The following LARP4 variants were observed in gnomAD, a reference collection of about 807,000 sequenced individuals.
LARP4 encodes the protein La ribonucleoprotein 4.
LARP4 carries 29 observed loss-of-function variants against 92.9 expected under a neutral mutation model. The observed-to-expected ratio is 0.31, with a 90% CI of 0.23 to 0.43. The LOEUF is 0.43. Ranked by LOEUF, LARP4 falls within the 20% of genes least tolerant of loss-of-function variation. The pLI is 1.00. For missense variants in LARP4, 732 were observed against 860.0 expected (o/e 0.85, Z 1.86); for synonymous variants, 279 against 284.1 (o/e 0.98, Z 0.18).
chr12:50,473,908 TCAAAAAAAAAAATTAC>T, intron 14 of LARP4, 75 bp from the exon 15 acceptor site: 1 of 1,102,320 alleles, frequency 9.1e-7, no homozygotes, highest in Non-Finnish European at 1.3e-6. Flanking sequence ...AGACTCCGTC[TCAAAAAAAAAAATTAC>T]GTTTTCTTCT....
chr12:50,449,112 T>C (rs1355688383), intron 8 of LARP4, among the ~76,000 whole-genome samples: 2 of 151,950 alleles, frequency 1.3e-5, no homozygotes, highest in African/African-American at 4.8e-5. Flanking sequence ...GCTTTGTGGC[T>C]TATGCCTGTA....
chr12:50,403,932 T>G (rs1438783869), intron 1 of LARP4, among the ~76,000 whole-genome samples: 1 of 5,886 alleles, frequency 1.7e-4, no homozygotes, highest in Non-Finnish European at 1.8e-3. Flanking sequence ...ATTTTAGTGA[T>G]AAGTAAGGCA....
chr12:50,413,124 G>C (rs969680216), intron 1 of LARP4, among the ~76,000 whole-genome samples: 1 of 151,968 alleles, frequency 6.6e-6, no homozygotes, highest in African/African-American at 2.4e-5. Flanking sequence ...TCAGGAGGCT[G>C]AGGCAGGAGA....
intron 8 of LARP4, among the ~76,000 whole-genome samples, chr12:50,450,125 T>G (rs1278101210): frequency 1.3e-5 from 2 of 151,672 alleles, no homozygotes; most frequent in Non-Finnish European, 2.9e-5. Context: ...AGTAGAGACA[T>G]GGTTTCACCA....
chr12:50,446,517 T>A lies in LARP4; in HGVS notation c.804+4874T>A, dbSNP rs1049504048. Reference sequence around the variant, plus strand: ...ATCTTGGCTCACCAAAACCTCTGCCTCCTGGGTTTCAAGCGATTCTCCTGC... The same window carrying A: ...ATCTTGGCTCACCAAAACCTCTGCCACCTGGGTTTCAAGCGATTCTCCTGC... On this transcript the variant is annotated intron_variant, in intron 8 of 15. Transcript: ENST00000398473. Among the ~76,000 whole-genome samples, 8 of 141,630 alleles carry A rather than the reference T, an allele frequency of 5.6e-5. No individual in the cohort carries two copies. In the South Asian group the frequency reaches 1.9e-3, roughly 33 times the overall value. The allele number at this position is 141,630 out of a possible 152,430, so 92.9% of individuals were successfully genotyped here.
chr12:50,473,037 G>A (rs1383424437), intron 13 of LARP4, among the ~76,000 whole-genome samples: 1 of 151,494 alleles, frequency 6.6e-6, no homozygotes, highest in African/African-American at 2.4e-5. Context: ...TGGCCAGGCT[G>A]GTCTTGAACT....
At chr12:50,469,799 C>T (rs1451945116) in intron 13 of LARP4, among the ~76,000 whole-genome samples, 2 of 151,718 alleles carry the variant, frequency 1.3e-5, no homozygotes, top group South Asian at 2.1e-4. Flanking sequence ...GTCCCAGCTA[C>T]TCTGGAGGCT....
In LARP4 at chr12:50,461,278, A is replaced by T. The variant is rs567741000; in HGVS notation, c.1265A>T (p.Glu422Val). The T allele has an allele frequency of 6.2e-7, 1 of 1,614,140 alleles. No homozygotes were observed. Among genetic ancestry groups the T allele is most frequent in the Non-Finnish European group, 8.5e-7 (1 of 1,180,030 alleles). ...AACCCCACAGTAACTGGGCATCAGG[A>T]GCAAACTTACCTTCAGAAGGAGACT... Reference protein sequence around the residue: ...RHNPTVTGHQEQTYLQKETST... With the variant: ...RHNPTVTGHQVQTYLQKETST... Residue 422 changes from glutamate (E) to valine (V), a missense_variant, in exon 11 of 16, where the codon GAG becomes GTG. Physicochemically the swap from Glu to Val is moderately radical, Grantham distance 121 (BLOSUM62 -2). Coordinates refer to ENST00000398473, the MANE Select transcript of LARP4 (RefSeq NM_052879.5).
At position 50,477,052 on chromosome 12, in the gene LARP4, G is replaced by C. The variant is rs1478696227; in HGVS notation, c.*1188G>C. On this transcript the variant is annotated 3_prime_UTR_variant, in exon 16 of 16. Transcript: ENST00000398473. Reference sequence around the variant, plus strand: ...TTTAAAGGCTTAATTTGGGAGGGGGGACTTATTTCTGTTTACAGTGTATTA... The same window carrying C: ...TTTAAAGGCTTAATTTGGGAGGGGGCACTTATTTCTGTTTACAGTGTATTA... 1 of 152,348 alleles carries C rather than the reference G, an allele frequency of 6.6e-6. No individual in the cohort carries two copies. The highest frequency in any genetic ancestry group is 1.5e-5 in the Non-Finnish European group (1 of 67,994). The allele number at this position is 152,348 out of a possible 1,614,324, so 9.4% of individuals were successfully genotyped here. A position where few individuals can be genotyped will look rare whatever the true frequency, so the allele number is the denominator to read the frequency against.
chr12:50,449,332 CATT>C (rs1303402097), intron 8 of LARP4, among the ~76,000 whole-genome samples: 2 of 152,100 alleles, frequency 1.3e-5, no homozygotes, highest in Non-Finnish European at 2.9e-5. Context: ...GTAAGATAAT[CATT>C]ATCTGTCTTG....
At chr12:50,468,294 C>CTT (rs11401895) in intron 13 of LARP4, among the ~76,000 whole-genome samples, 6 of 148,882 alleles carry the variant, frequency 4.0e-5, no homozygotes, top group Non-Finnish European at 4.4e-5. Flanking sequence ...TTCTAATTAA[C>CTT]TTTTTTTTTC....
At chr12:50,403,451 G>A (rs542175106) in intron 1 of LARP4, among the ~76,000 whole-genome samples, 2 of 152,122 alleles carry the variant, frequency 1.3e-5, no homozygotes, top group Non-Finnish European at 2.9e-5. Flanking sequence ...CTTGCTATAT[G>A]TCAAAAATAT....
At chr12:50,440,097 TA>T (rs1950985284) in intron 6 of LARP4, among the ~76,000 whole-genome samples, 1 of 152,220 alleles carries the variant, frequency 6.6e-6, no homozygotes, top group Non-Finnish European at 1.5e-5. Context: ...GTGAAATACT[TA>T]CGCTTTGCTT....
intron 15 of LARP4, among the ~76,000 whole-genome samples, chr12:50,474,383 T>C (rs927410190): frequency 1.3e-5 from 2 of 152,188 alleles, no homozygotes; most frequent in Non-Finnish European, 2.9e-5. Flanking sequence ...GTCTTCACTC[T>C]GTCGCCCAGG....
chr12:50,474,167 G>A lies in LARP4; in HGVS notation c.1836G>A (p.Gln612=). The part of the protein sequence containing the change: ...NINAATAVAL[Q]EPRKLSYAEV... ...ATGCAGCTACAGCTGTGGCTCTACA[G>A]GTAACTTGAAGATTTTAGTTTATGT... Residue 612 remains glutamine, a splice_region_variant and synonymous_variant, in exon 15 of 16, where the codon CAG becomes CAA. Transcript: ENST00000398473. The A allele has an allele frequency of 6.3e-7, 1 of 1,591,816 alleles. No homozygotes were observed. Among genetic ancestry groups the A allele is most frequent in the Non-Finnish European group, 8.5e-7 (1 of 1,172,748 alleles).
intron 8 of LARP4, among the ~76,000 whole-genome samples, chr12:50,445,488 A>T (rs1211604981): frequency 3.3e-5 from 5 of 152,002 alleles, no homozygotes; most frequent in African/African-American, 1.2e-4. Flanking sequence ...TCTTTACTGC[A>T]TTTGGGGAAT....
intron 12 of LARP4, among the ~76,000 whole-genome samples, chr12:50,464,060 A>G (rs1330340272): frequency 6.6e-6 from 1 of 152,104 alleles, no homozygotes; most frequent in Non-Finnish European, 1.5e-5. Context: ...TCTACCTGTT[A>G]CCCAGTTCCA....
intron 12 of LARP4, among the ~76,000 whole-genome samples, chr12:50,465,461 G>A (rs1420473492): frequency 2.0e-5 from 3 of 151,772 alleles, no homozygotes; most frequent in Non-Finnish European, 4.4e-5. Context: ...TGGGGTTAAA[G>A]AAACAGGCAT....
chr12:50,413,083 C>T (rs1405709815), intron 1 of LARP4, among the ~76,000 whole-genome samples: 5 of 151,870 alleles, frequency 3.3e-5, no homozygotes, highest in Admixed American at 6.6e-5. Flanking sequence ...ATTAGCCGGA[C>T]GTGGTGGTGG....
Sources: gnomAD v4.1 joint callset for allele counts (sites outside exome capture counted in the v4.1 genomes callset) on GRCh38, gnomAD v4.1.1 for gene constraint, MANE v1.5 for transcripts, NCBI Gene and HGNC (gene_info 2026-07-23, HGNC 2026-07-21) for gene names.